Variants in MAD1L1 observed in about 807,000 individuals in gnomAD.
MAD1L1 encodes mitotic arrest deficient 1 like 1.
MAD1L1 carries 95 observed loss-of-function variants against 96.9 expected under a neutral mutation model. The observed-to-expected ratio is 0.98, with a 90% CI of 0.83 to 1.16. The LOEUF (loss-of-function observed/expected upper bound fraction) is 1.16, where lower values mean the gene tolerates loss of function less well. Among genes scored for constraint, MAD1L1 ranks in the 50% most tolerant of loss-of-function variants. The pLI, the probability that MAD1L1 is intolerant of heterozygous loss-of-function variation, is 0.00. For synonymous variants in MAD1L1, 473 were observed against 396.6 expected, an observed-to-expected ratio of 1.19 and a Z score of -2.29; for missense variants, 1,007 against 954.4, an observed-to-expected ratio of 1.06 and a Z score of -0.73.
At chr7:2,112,369 A>T (rs1787425653) in intron 11 of MAD1L1, among the ~76,000 whole-genome samples, 1 of 152,158 alleles carries the variant, frequency 6.6e-6, no homozygotes, top group African/African-American at 2.4e-5. Flanking sequence ...AACCTAAGGG[A>T]ACCACAAACA....
intron 15 of MAD1L1, among the ~76,000 whole-genome samples, chr7:1,971,053 C>A (rs1277767972): frequency 6.6e-6 from 1 of 152,202 alleles, no homozygotes; most frequent in African/African-American, 2.4e-5. Flanking sequence ...CATGCAGTGC[C>A]ACCCGGGGCC....
intron 12 of MAD1L1, among the ~76,000 whole-genome samples, chr7:2,030,687 G>A (rs901119221): frequency 2.6e-5 from 4 of 152,210 alleles, no homozygotes; most frequent in East Asian, 1.9e-4. Context: ...GAGGAGAAAC[G>A]GTCTCTTTTC....
intron 11 of MAD1L1, chr7:2,079,753 A>T (rs1562666758): frequency 2.1e-6 from 1 of 470,952 alleles, no homozygotes; most frequent in Admixed American, 2.3e-5. Context: ...CCCGGCAAGC[A>T]CGGCCGCAGG....
rs183861139 is a variant in MAD1L1 at position 2,113,197 on chromosome 7, G to A, written c.1073+35955C>T. On this transcript the variant is annotated intron_variant, in intron 11 of 18. Transcript: ENST00000265854. The stretch of plus-strand genomic sequence containing the variant: ...CCACTCAGGAAACACGGAAGAGACG[G>A]GCGGACAGAAAACCGCCCTGGGGCC... Among the ~76,000 whole-genome samples the A allele has an allele frequency of 2.7e-3, 405 of 152,290 alleles. 5 individuals are homozygous for A. Among genetic ancestry groups the A allele is most frequent in the African/African-American group, 9.3e-3 (385 of 41,522 alleles).
chr7:2,194,074 G>A (rs116309503), intron 10 of MAD1L1, among the ~76,000 whole-genome samples: 3 of 149,546 alleles, frequency 2.0e-5, no homozygotes, highest in Non-Finnish European at 4.4e-5. Flanking sequence ...CTCTCGAGTT[G>A]TTGGGACCAT....
At chr7:1,891,606 C>G (rs533941198) in intron 18 of MAD1L1, among the ~76,000 whole-genome samples, 2 of 152,242 alleles carry the variant, frequency 1.3e-5, no homozygotes, top group South Asian at 4.2e-4. Context: ...GAGATGGGAT[C>G]TCACTCTGTC....
chr7:2,134,410 C>T (rs773540199), intron 11 of MAD1L1, among the ~76,000 whole-genome samples: 4 of 152,180 alleles, frequency 2.6e-5, no homozygotes, highest in South Asian at 4.1e-4. Flanking sequence ...TCTACATAGA[C>T]GATCATGTCA....
At chr7:2,077,689 G>A (rs1185082408) in intron 11 of MAD1L1, among the ~76,000 whole-genome samples, 4 of 152,250 alleles carry the variant, frequency 2.6e-5, no homozygotes, top group African/African-American at 7.2e-5. Context: ...CAGGAGGCGC[G>A]CGGGAGCAGG....
chr7:1,862,493 T>A (rs1460195971), intron 18 of MAD1L1, among the ~76,000 whole-genome samples: 3 of 152,148 alleles, frequency 2.0e-5, no homozygotes, highest in Admixed American at 2.0e-4. Context: ...CCGACCTGGA[T>A]CCCTCCCTCC....
chr7:2,126,660 G>A (rs1439181858), intron 11 of MAD1L1, among the ~76,000 whole-genome samples: 4 of 152,238 alleles, frequency 2.6e-5, no homozygotes, highest in Non-Finnish European at 4.4e-5. Flanking sequence ...AGGCCCAGGA[G>A]CATCTCTGGG....
intron 11 of MAD1L1, among the ~76,000 whole-genome samples, chr7:2,117,601 C>A (rs2128559522): frequency 6.6e-6 from 1 of 152,284 alleles, no homozygotes; most frequent in Admixed American, 6.5e-5. Context: ...GACTTTTCCC[C>A]CTTTTGCTCG....
At chr7:2,006,641 G>A in intron 13 of MAD1L1, among the ~76,000 whole-genome samples, 1 of 150,862 alleles carries the variant, frequency 6.6e-6, no homozygotes, top group African/African-American at 2.4e-5. Context: ...AGGAGAGACG[G>A]GACATCACTA....
chr7:1,912,387 T>G (rs952794502), intron 17 of MAD1L1, among the ~76,000 whole-genome samples: 2 of 152,178 alleles, frequency 1.3e-5, no homozygotes, highest in African/African-American at 4.8e-5. Flanking sequence ...TGACTCCTCC[T>G]GTTTGGGTGA....
chr7:1,844,430 G>A (rs904694334), intron 18 of MAD1L1, among the ~76,000 whole-genome samples: 1 of 152,156 alleles, frequency 6.6e-6, no homozygotes, highest in Non-Finnish European at 1.5e-5. Flanking sequence ...GTGCTCCACT[G>A]CAGACCCTGA....
chr7:2,159,906 T>C (rs62443025), intron 10 of MAD1L1, among the ~76,000 whole-genome samples: 28,999 of 152,128 alleles, frequency 0.19, 2,919 homozygotes, highest in Middle Eastern at 0.31. Context: ...AGTCAAAACC[T>C]GCATGGCTGT....
chr7:1,833,758 T>A (rs1482170097), intron 18 of MAD1L1, among the ~76,000 whole-genome samples: 1 of 152,188 alleles, frequency 6.6e-6, no homozygotes, highest in Non-Finnish European at 1.5e-5. Context: ...CTGGCCAACA[T>A]GGTGAAACCC....
intron 10 of MAD1L1, among the ~76,000 whole-genome samples, chr7:2,210,866 G>C (rs920863839): frequency 6.8e-6 from 1 of 146,192 alleles, no homozygotes; most frequent in Non-Finnish European, 1.5e-5. Context: ...GCTCAGAGAG[G>C]ACGCTCGCAC....
chr7:2,075,808 G>A (rs1785346946), intron 11 of MAD1L1, among the ~76,000 whole-genome samples: 1 of 152,190 alleles, frequency 6.6e-6, no homozygotes, highest in Non-Finnish European at 1.5e-5. Flanking sequence ...AGACACTGCT[G>A]AGCCAGCTCT....
At chr7:1,972,628 C>A (rs1333273607) in intron 15 of MAD1L1, among the ~76,000 whole-genome samples, 1 of 151,284 alleles carries the variant, frequency 6.6e-6, no homozygotes, top group African/African-American at 2.4e-5. Flanking sequence ...AAAGCCAGAA[C>A]TTATTGTTTT....
Sources: gnomAD v4.1 joint callset for allele counts (sites outside exome capture counted in the v4.1 genomes callset) on GRCh38, gnomAD v4.1.1 for gene constraint, MANE v1.5 for transcripts, NCBI Gene and HGNC (gene_info 2026-07-23, HGNC 2026-07-21) for gene names.